RIMS1: variants seen among roughly 807,000 people sequenced by gnomAD.
RIMS1 encodes the protein regulating synaptic membrane exocytosis 1.
RIMS1 carries 83 observed loss-of-function variants against 214.1 expected under a neutral mutation model. The ratio of observed to expected loss-of-function variants is 0.39; its 90% CI spans 0.32 to 0.47. The LOEUF (loss-of-function observed/expected upper bound fraction) is 0.47. Ranked by LOEUF, RIMS1 falls within the 20% of genes least tolerant of loss-of-function variation. The pLI is 0.99. For missense variants in RIMS1, 2,050 were observed against 2,161.8 expected (o/e 0.95, Z 1.03); for synonymous variants, 793 against 786.8 (o/e 1.01, Z -0.13).
chr6:71,992,444 T>TTC (rs776511252), intron 2 of RIMS1, among the ~76,000 whole-genome samples: 3 of 146,448 alleles, frequency 2.0e-5, no homozygotes, highest in Non-Finnish European at 3.0e-5. Context: ...CTTTCTTTCT[T>TTC]TCTTTCTCTT....
chr6:72,291,728 T>A (rs544673159), intron 25 of RIMS1, among the ~76,000 whole-genome samples: 1 of 152,364 alleles, frequency 6.6e-6, no homozygotes, highest in Admixed American at 6.5e-5. Flanking sequence ...TATGTAGAAC[T>A]GTGTGTGGTG....
chr6:72,252,912 A>G lies in RIMS1; in HGVS notation c.2770+80A>G, dbSNP rs1046588201. ...CTGTCAGCTTCCGGACCTCTTTAGG[A>G]TACTAAACTGAAGATTTATAGCACA... On this transcript the variant is annotated intron_variant, in intron 16 of 33. Transcript: ENST00000521978. 42 of 974,022 alleles carry G rather than the reference A, an allele frequency of 4.3e-5. No individual in the cohort carries two copies. The African/African-American group carries it at 5.0e-4, about 12-fold the overall frequency. The allele number at this position is 974,022 out of a possible 1,614,324, so 60.3% of individuals were successfully genotyped here. A position where few individuals can be genotyped will look rare whatever the true frequency, so the allele number is the denominator to read the frequency against.
chr6:72,347,917 G>A (rs2097320997), intron 29 of RIMS1, among the ~76,000 whole-genome samples: 2 of 151,956 alleles, frequency 1.3e-5, no homozygotes, highest in Non-Finnish European at 2.9e-5. Context: ...AATGAACTCC[G>A]AAGTAAATCA....
chr6:72,066,220 G>A (rs1446809944), intron 2 of RIMS1, among the ~76,000 whole-genome samples: 1 of 152,104 alleles, frequency 6.6e-6, no homozygotes, highest in African/African-American at 2.4e-5. Context: ...CAAATATGTA[G>A]TTAGCCGAGA....
intron 2 of RIMS1, among the ~76,000 whole-genome samples, chr6:72,078,383 C>T (rs1381507718): frequency 1.3e-5 from 2 of 152,102 alleles, no homozygotes; most frequent in Non-Finnish European, 2.9e-5. Flanking sequence ...AATCTGAGCT[C>T]TCCCTATTTC....
chr6:72,293,294 C>CTGACT (rs1374390346), intron 26 of RIMS1, among the ~76,000 whole-genome samples: 1 of 151,874 alleles, frequency 6.6e-6, no homozygotes, highest in African/African-American at 2.4e-5. Context: ...TTGTGAAACT[C>CTGACT]TGACTTTCTT....
chr6:72,005,470 C>A (rs1288937746), intron 2 of RIMS1, among the ~76,000 whole-genome samples: 2 of 152,114 alleles, frequency 1.3e-5, no homozygotes, highest in East Asian at 3.9e-4. Context: ...TAATACAGAG[C>A]TGATCAGTAA....
chr6:71,929,060 T>C (rs1782340852), intron 1 of RIMS1, among the ~76,000 whole-genome samples: 1 of 152,122 alleles, frequency 6.6e-6, no homozygotes, highest in South Asian at 2.1e-4. Flanking sequence ...TTAGTGAAAG[T>C]AAAGAGAGAA....
intron 2 of RIMS1, among the ~76,000 whole-genome samples, chr6:72,002,502 GAT>G (rs1805605064): frequency 6.6e-6 from 1 of 152,156 alleles, no homozygotes; most frequent in Non-Finnish European, 1.5e-5. Flanking sequence ...AAAGACCAAA[GAT>G]GCATGGGGTA....
chr6:72,050,802 A>G (rs1188538471), intron 2 of RIMS1, among the ~76,000 whole-genome samples: 1 of 152,236 alleles, frequency 6.6e-6, no homozygotes, highest in South Asian at 2.1e-4. Flanking sequence ...AGAAGCCTCT[A>G]TGGGAACCTG....
chr6:72,278,365 T>C (rs1221076734), intron 23 of RIMS1, among the ~76,000 whole-genome samples: 2 of 152,240 alleles, frequency 1.3e-5, no homozygotes, highest in East Asian at 3.9e-4. Flanking sequence ...CTTTTGCAGA[T>C]AACCAAATTT....
chr6:72,187,479 G>GTTT (rs61420518), intron 6 of RIMS1, among the ~76,000 whole-genome samples: 79,033 of 125,224 alleles, frequency 0.63, 25,269 homozygotes, highest in East Asian at 0.81. Flanking sequence ...TATCCTTTTT[G>GTTT]TTTTTTTTTT....
At chr6:72,127,603 A>G (rs1448898299) in intron 4 of RIMS1, among the ~76,000 whole-genome samples, 5 of 152,036 alleles carry the variant, frequency 3.3e-5, no homozygotes, top group Non-Finnish European at 7.4e-5. Flanking sequence ...TCAATTCTAC[A>G]CTGGCTAGTA....
intron 4 of RIMS1, among the ~76,000 whole-genome samples, chr6:72,138,396 A>C (rs2041642316): frequency 6.6e-6 from 1 of 152,196 alleles, no homozygotes; most frequent in South Asian, 2.1e-4. Flanking sequence ...ATTTACAATT[A>C]ATCCTCATTC....
rs115071580 is a variant in RIMS1, at chr6:72,188,915, C to T, written c.1678+5766C>T. On this transcript the variant is annotated intron_variant, in intron 6 of 33. Transcript: ENST00000521978. ...TTCACCCAAGCCAACACTGCAATTC[C>T]CTTCTTGGCCTGTTGACTTAAAGGT... is the stretch of plus-strand genomic sequence containing the variant. Among the ~76,000 whole-genome samples the T allele has an allele frequency of 7.7e-3, 1,173 of 152,330 alleles. 19 individuals carry two copies. The highest frequency in any genetic ancestry group is 0.027 in the African/African-American group (1,113 of 41,566).
At chr6:72,295,462 TA>T (rs1208501421) in intron 26 of RIMS1, among the ~76,000 whole-genome samples, 1 of 151,770 alleles carries the variant, frequency 6.6e-6, no homozygotes, top group African/African-American at 2.4e-5. Flanking sequence ...GCTTATCAGA[TA>T]AAAAAATAAA....
chr6:71,937,578 G>A (rs1784825434), intron 1 of RIMS1, among the ~76,000 whole-genome samples: 1 of 152,038 alleles, frequency 6.6e-6, no homozygotes, highest in South Asian at 2.1e-4. Context: ...AAGATTAAGG[G>A]CCACAGCTGG....
intron 1 of RIMS1, among the ~76,000 whole-genome samples, chr6:71,963,263 T>G (rs1202466804): frequency 6.6e-6 from 1 of 152,152 alleles, no homozygotes; most frequent in Non-Finnish European, 1.5e-5. Flanking sequence ...AAATCCTGAC[T>G]TCTTAAGGTA....
rs1453514112 is a variant in RIMS1 at position 72,258,841 on chromosome 6, C to T, written c.2928-145C>T. 6.6e-6 allele frequency: 5 copies of T among 754,630 alleles called. No individual in the cohort carries two copies. The East Asian group carries it at 1.3e-4, about 19-fold the overall frequency. 46.7% of individuals were successfully genotyped at this position (754,630 alleles called of 1,614,324 possible). ...ACTCATAGAAAACAAATACCCTTAA[C>T]TCATTGATAAGTAGGTTTTGATTAT... On this transcript the variant is annotated intron_variant, in intron 17 of 33. Coordinates refer to ENST00000521978, the MANE Select transcript of RIMS1 (RefSeq NM_014989.7).
Sources: gnomAD v4.1 joint callset for allele counts (sites outside exome capture counted in the v4.1 genomes callset) on GRCh38, gnomAD v4.1.1 for gene constraint, MANE v1.5 for transcripts, NCBI Gene and HGNC (gene_info 2026-07-23, HGNC 2026-07-21) for gene names.